Variants in RASSF8 observed in about 807,000 individuals in gnomAD.
RASSF8 encodes the protein Ras association domain family member 8.
Under a neutral mutation model 48.5 loss-of-function variants are expected in RASSF8, and 22 were observed. The ratio of observed to expected loss-of-function variants is 0.45; its 90% CI spans 0.32 to 0.65. The LOEUF (loss-of-function observed/expected upper bound fraction) is 0.65, where lower values mean the gene tolerates loss of function less well. RASSF8 is among the 30% of genes least tolerant of loss of function. RASSF8 has a pLI of 0.03. For missense variants in RASSF8, 418 were observed against 489.2 expected, an observed-to-expected ratio of 0.85 and a Z score of 1.37; for synonymous variants, 127 against 171.5, an observed-to-expected ratio of 0.74 and a Z score of 2.03.
At chr12:25,995,637 T>C (rs1942115264) in intron 2 of RASSF8, among the ~76,000 whole-genome samples, 1 of 152,026 alleles carries the variant, frequency 6.6e-6, no homozygotes. Flanking sequence ...TAATGTCTAT[T>C]ATTGGCTTCA....
chr12:26,070,966 T>C lies in RASSF8; in HGVS notation c.*2148T>C, dbSNP rs1430472835. On this transcript the variant is annotated 3_prime_UTR_variant, in exon 6 of 6. Coordinates refer to ENST00000689635, the MANE Select transcript of RASSF8 (RefSeq NM_001394098.1). Reference sequence around the variant, plus strand: ...CCTAGCAACTTGTAGTAGTCTTGGGTTCCCAGCAGAGTATCACAGTTAACC... The same window carrying C: ...CCTAGCAACTTGTAGTAGTCTTGGGCTCCCAGCAGAGTATCACAGTTAACC... 1 of 984,482 alleles carries C rather than the reference T, an allele frequency of 1.0e-6. No individual in the cohort carries two copies. The highest frequency in any genetic ancestry group is 1.7e-5 in the African/African-American group (1 of 57,212). The allele number at this position is 984,482 out of a possible 1,614,324, so 61.0% of individuals were successfully genotyped here. A position where few individuals can be genotyped will look rare whatever the true frequency, so the allele number is the denominator to read the frequency against.
In RASSF8 at chr12:25,989,898, A is replaced by G. The variant is rs190560394; in HGVS notation, c.-202-5139A>G. On this transcript the variant is annotated intron_variant, in intron 1 of 5. Coordinates refer to ENST00000689635, the MANE Select transcript of RASSF8 (RefSeq NM_001394098.1). ...TCTGGCAGAAGTTTTAAAATCAAGTACATCTGAGTTCAAATCAGGGCTCCA... is the reference window on the plus strand; with the variant it reads ...TCTGGCAGAAGTTTTAAAATCAAGTGCATCTGAGTTCAAATCAGGGCTCCA... Among the ~76,000 whole-genome samples, 248 of 152,274 alleles carry G rather than the reference A, an allele frequency of 1.6e-3. 2 individuals are homozygous for G. The highest frequency in any genetic ancestry group is 5.7e-3 in the African/African-American group (238 of 41,542).
intron 1 of RASSF8, among the ~76,000 whole-genome samples, chr12:25,971,843 C>G (rs1269176762): frequency 6.6e-6 from 1 of 152,226 alleles, no homozygotes; most frequent in Non-Finnish European, 1.5e-5. Context: ...GGCTCTGGAA[C>G]TGGTATTTGT....
At chr12:26,024,757 C>T (rs889701471) in intron 2 of RASSF8, among the ~76,000 whole-genome samples, 1 of 151,786 alleles carries the variant, frequency 6.6e-6, no homozygotes, top group Non-Finnish European at 1.5e-5. Context: ...GAGATCAAGA[C>T]CATCCTGGCT....
At chr12:26,064,384 A>T in intron 3 of RASSF8, 114 bp from the exon 4 acceptor site, 2 of 1,046,360 alleles carry the variant, frequency 1.9e-6, no homozygotes, top group Non-Finnish European at 1.4e-6. Context: ...CTAGACTCAA[A>T]CTTGACCCTC....
intron 1 of RASSF8, among the ~76,000 whole-genome samples, chr12:25,978,115 T>A (rs976877430): frequency 1.3e-5 from 2 of 152,238 alleles, no homozygotes; most frequent in Non-Finnish European, 2.9e-5. Flanking sequence ...GTGGATTCAG[T>A]CCTGTCGTGG....
intron 2 of RASSF8, among the ~76,000 whole-genome samples, chr12:26,003,024 T>C (rs1240464879): frequency 6.6e-6 from 1 of 152,248 alleles, no homozygotes; most frequent in Non-Finnish European, 1.5e-5. Context: ...TTAATTTTTA[T>C]ATATGGTGAC....
chr12:26,035,494 AAATTATAT>A (rs568338609), intron 2 of RASSF8, among the ~76,000 whole-genome samples: 8,339 of 139,464 alleles, frequency 0.06, 300 homozygotes, highest in Middle Eastern at 0.097. Flanking sequence ...TAATTATATG[AAATTATAT>A]AATTATATAA....
At chr12:26,059,547 C>T (rs1293160075) in intron 3 of RASSF8, among the ~76,000 whole-genome samples, 3 of 152,038 alleles carry the variant, frequency 2.0e-5, no homozygotes, top group Non-Finnish European at 4.4e-5. Context: ...CATAGATGAG[C>T]TTTTAAAAAA....
Position 25,970,300 on chromosome 12 carries a change from A to G in RASSF8, c.-203+11152A>G, listed in dbSNP as rs909098011. The stretch of plus-strand genomic sequence containing the variant: ...TGCCCTGATTTCTGGGCCCCTGCCC[A>G]CTGAACTATGTGTCAGTTTCTCGGG... On this transcript the variant is annotated intron_variant, in intron 1 of 5. Coordinates refer to ENST00000689635, the MANE Select transcript of RASSF8 (RefSeq NM_001394098.1). 2.6e-5 allele frequency among the ~76,000 whole-genome samples: 4 copies of G among 152,192 alleles called. No individual in the cohort carries two copies. The East Asian group carries it at 5.8e-4, about 22-fold the overall frequency.
intron 1 of RASSF8, among the ~76,000 whole-genome samples, chr12:25,979,972 G>A (rs1203654352): frequency 1.3e-5 from 2 of 152,124 alleles, no homozygotes; most frequent in Non-Finnish European, 2.9e-5. Flanking sequence ...CATCAGGAAA[G>A]GTTTCTTGGA....
At chr12:25,967,786 G>A (rs1941392417) in intron 1 of RASSF8, among the ~76,000 whole-genome samples, 1 of 152,208 alleles carries the variant, frequency 6.6e-6, no homozygotes, top group Non-Finnish European at 1.5e-5. Flanking sequence ...TGGGAGGCAG[G>A]ACAGGCCTCT....
At chr12:26,010,028 T>C (rs927178467) in intron 2 of RASSF8, among the ~76,000 whole-genome samples, 2 of 152,012 alleles carry the variant, frequency 1.3e-5, no homozygotes, top group African/African-American at 4.8e-5. Context: ...GGAGTGAGGG[T>C]GAGGGGGTGG....
At chr12:26,037,038 A>G (rs1289508644) in intron 2 of RASSF8, among the ~76,000 whole-genome samples, 1 of 152,186 alleles carries the variant, frequency 6.6e-6, no homozygotes, top group Admixed American at 6.5e-5. Flanking sequence ...TACTATTAAC[A>G]GTATTGGTTG....
intron 1 of RASSF8, among the ~76,000 whole-genome samples, chr12:25,977,703 G>C (rs1941640772): frequency 6.6e-6 from 1 of 151,674 alleles, no homozygotes; most frequent in Admixed American, 6.6e-5. Flanking sequence ...TGCTTTACAA[G>C]TATACTTTGA....
chr12:26,037,567 T>C (rs1943179277), intron 2 of RASSF8, among the ~76,000 whole-genome samples: 1 of 152,250 alleles, frequency 6.6e-6, no homozygotes, highest in Non-Finnish European at 1.5e-5. Context: ...AAATTGTGTT[T>C]AGTTAATAAT....
intron 2 of RASSF8, among the ~76,000 whole-genome samples, chr12:26,002,671 A>T (rs919113619): frequency 6.6e-6 from 1 of 152,152 alleles, no homozygotes; most frequent in Non-Finnish European, 1.5e-5. Context: ...GCTACTCAGG[A>T]GGCTGACACA....
At chr12:26,036,475 G>A (rs1943152792) in intron 2 of RASSF8, among the ~76,000 whole-genome samples, 1 of 151,850 alleles carries the variant, frequency 6.6e-6, no homozygotes, top group East Asian at 1.9e-4. Flanking sequence ...TTTTATATAT[G>A]GGCCATTTGG....
At chr12:25,963,321 CAAAAAAAAAAA>C (rs61607517) in intron 1 of RASSF8, among the ~76,000 whole-genome samples, 1 of 96,180 alleles carries the variant, frequency 1.0e-5, no homozygotes, top group Non-Finnish European at 2.1e-5. Flanking sequence ...TTGTTTTAGC[CAAAAAAAAAAA>C]AAAAAAAAAA....
Sources: gnomAD v4.1 joint callset for allele counts (sites outside exome capture counted in the v4.1 genomes callset) on GRCh38, gnomAD v4.1.1 for gene constraint, MANE v1.5 for transcripts, NCBI Gene and HGNC (gene_info 2026-07-23, HGNC 2026-07-21) for gene names.